The following GJB7 variants were observed in gnomAD, a reference collection of about 807,000 sequenced individuals.
GJB7 encodes the protein gap junction beta-7 protein.
For synonymous variants in GJB7, 87 were observed against 95.2 expected, an observed-to-expected ratio of 0.91 and a Z score of 0.50; for missense variants, 253 against 256.8, an observed-to-expected ratio of 0.99 and a Z score of 0.10.
intron 2 of GJB7, among the ~76,000 whole-genome samples, chr6:87,288,593 T>A (rs1156604466): frequency 6.6e-6 from 1 of 152,186 alleles, no homozygotes; most frequent in Non-Finnish European, 1.5e-5. Context: ...AAAAGTGAAA[T>A]CTTGCCAGTA....
intron 2 of GJB7, among the ~76,000 whole-genome samples, chr6:87,308,915 TA>T (rs1261615730): frequency 3.9e-5 from 6 of 152,234 alleles, no homozygotes; most frequent in African/African-American, 1.4e-4. Flanking sequence ...AATTGCAATC[TA>T]AATTTACCCA....
At chr6:87,306,549 A>G (rs1355396397) in intron 2 of GJB7, among the ~76,000 whole-genome samples, 1 of 152,106 alleles carries the variant, frequency 6.6e-6, no homozygotes, top group Non-Finnish European at 1.5e-5. Flanking sequence ...GGCTGTGGAG[A>G]AATAGGAACA....
chr6:87,320,003 C>G (rs1211794462), intron 2 of GJB7, among the ~76,000 whole-genome samples: 3 of 151,800 alleles, frequency 2.0e-5, no homozygotes, highest in Admixed American at 6.6e-5. Context: ...TGATGGTTAC[C>G]AGAGGCTGGG....
At chr6:87,308,513 T>C (rs1582564233) in intron 2 of GJB7, among the ~76,000 whole-genome samples, 2 of 152,200 alleles carry the variant, frequency 1.3e-5, no homozygotes, top group East Asian at 1.9e-4. Flanking sequence ...ACTTGAAGCA[T>C]TGAGAGAAAA....
intron 2 of GJB7, among the ~76,000 whole-genome samples, chr6:87,304,257 T>G (rs1776384267): frequency 6.6e-6 from 1 of 151,922 alleles, no homozygotes; most frequent in Non-Finnish European, 1.5e-5. Context: ...TTTGAAAAGA[T>G]CAACAAAATT....
intron 2 of GJB7, among the ~76,000 whole-genome samples, chr6:87,321,690 A>G (rs1776665657): frequency 6.6e-6 from 1 of 152,156 alleles, no homozygotes; most frequent in African/African-American, 2.4e-5. Flanking sequence ...ACACTGCTAG[A>G]AAGAACCACC....
intron 2 of GJB7, among the ~76,000 whole-genome samples, chr6:87,293,505 A>G (rs1365108701): frequency 6.6e-6 from 1 of 151,996 alleles, no homozygotes; most frequent in Non-Finnish European, 1.5e-5. Flanking sequence ...ATATCGATCC[A>G]GTTCCCAGTT....
chr6:87,317,924 C>T (rs538452040), intron 2 of GJB7, among the ~76,000 whole-genome samples: 2 of 152,098 alleles, frequency 1.3e-5, no homozygotes, highest in South Asian at 2.1e-4. Flanking sequence ...GTTTTCATCT[C>T]ATATCACTTT....
At chr6:87,289,504 T>C (rs1776127156) in intron 2 of GJB7, among the ~76,000 whole-genome samples, 2 of 152,192 alleles carry the variant, frequency 1.3e-5, no homozygotes, top group African/African-American at 4.8e-5. Flanking sequence ...CATGCTGAAA[T>C]TGTTTATGCT....
Position 87,283,851 on chromosome 6 carries a change from TCCC to T in GJB7, c.*387_*389del, listed in dbSNP as rs1776012715. 2 of 149,020 alleles carry T rather than the reference TCCC, an allele frequency of 1.3e-5. No homozygotes were observed. Among genetic ancestry groups the T allele is most frequent in the African/African-American group, 2.5e-5 (1 of 39,800 alleles). 9.2% of individuals were successfully genotyped at this position (149,020 alleles called of 1,614,324 possible). A position where few individuals can be genotyped will look rare whatever the true frequency, so the allele number is the denominator to read the frequency against. ...CACAGGGTTTCTTTTTTTTTTTTTTTCCCTGAAAAATCTAAGCTCTTAAAAGAA... is the reference window on the plus strand; with the variant it reads ...CACAGGGTTTCTTTTTTTTTTTTTTTTGAAAAATCTAAGCTCTTAAAAGAA... On this transcript the variant is annotated 3_prime_UTR_variant, in exon 3 of 3. Transcript: ENST00000525899.
chr6:87,284,642 C>T lies in GJB7; in HGVS notation c.271G>A (p.Val91Met). 1 of 1,614,128 alleles carries T rather than the reference C, an allele frequency of 6.2e-7. No homozygotes were observed. Among genetic ancestry groups the T allele is most frequent in the Non-Finnish European group, 8.5e-7 (1 of 1,180,040 alleles). Residue 91 changes from valine to methionine, a missense_variant, in exon 3 of 3, where the codon GTG becomes ATG. Transcript: ENST00000525899. ...TCATGATAGGCTACATGTAAAACCACCAGAAGTGAAGGTGTGGAGACCATT... is the reference window on the plus strand; with the variant it reads ...TCATGATAGGCTACATGTAAAACCATCAGAAGTGAAGGTGTGGAGACCATT... ...LIMVSTPSLLVVLHVAYHEGR... is the reference protein window; with the variant it reads ...LIMVSTPSLLMVLHVAYHEGR...
intron 2 of GJB7, among the ~76,000 whole-genome samples, chr6:87,321,892 A>C (rs1273821510): frequency 1.3e-5 from 2 of 152,112 alleles, no homozygotes; most frequent in Non-Finnish European, 2.9e-5. Flanking sequence ...ACACTCTTAT[A>C]AACAAACATC....
intron 2 of GJB7, among the ~76,000 whole-genome samples, chr6:87,318,147 A>G (rs1390359096): frequency 6.7e-6 from 1 of 148,238 alleles, no homozygotes; most frequent in African/African-American, 2.5e-5. Flanking sequence ...TAATTTATAT[A>G]TCACACCATT....
intron 2 of GJB7, among the ~76,000 whole-genome samples, chr6:87,307,365 A>C (rs1776448585): frequency 6.6e-6 from 1 of 152,148 alleles, no homozygotes; most frequent in Admixed American, 6.5e-5. Context: ...AAAAGCCAAA[A>C]TTGACAAATG....
chr6:87,284,545 G>A lies in GJB7; in HGVS notation c.368C>T (p.Ala123Val), dbSNP rs895282208. ...TTTAACAATGAGGCTGATAAGATAA[G>A]CGTACCATAGGCCCCCATCCATTGT... The part of the protein sequence containing the change: ...PGTMDGGLWY[A>V]YLISLIVKTG... Residue 123 changes from alanine to valine, a missense_variant, in exon 3 of 3, where the codon GCT becomes GTT. By Grantham distance (64) the Ala-to-Val change is moderately conservative. Coordinates refer to ENST00000525899, the MANE Select transcript of GJB7 (RefSeq NM_198568.3). 1.2e-6 allele frequency: 2 copies of A among 1,613,990 alleles called. No individual in the cohort carries two copies. Among genetic ancestry groups the A allele is most frequent in the African/African-American group, 2.7e-5 (2 of 74,888 alleles).
At chr6:87,322,504 C>G (rs1776685519) in intron 2 of GJB7, 1 of 152,410 alleles carries the variant, frequency 6.6e-6, no homozygotes, top group African/African-American at 2.4e-5. Context: ...CGCCGCTGCG[C>G]CGCAGCCTCC....
intron 1 of GJB7, among the ~76,000 whole-genome samples, chr6:87,325,734 G>T (rs1331180083): frequency 6.6e-6 from 1 of 151,814 alleles, no homozygotes; most frequent in Non-Finnish European, 1.5e-5. Context: ...TCTCTTTTTT[G>T]GTTGTGTCTC....
intron 2 of GJB7, among the ~76,000 whole-genome samples, chr6:87,306,976 G>A (rs1274377104): frequency 6.6e-6 from 1 of 151,926 alleles, no homozygotes; most frequent in Non-Finnish European, 1.5e-5. Context: ...TTGAACAATG[G>A]GAACACATGG....
At position 87,284,516 on chromosome 6, in the gene GJB7, C is replaced by A. The variant is rs1409099682; in HGVS notation, c.397G>T (p.Gly133Cys). 1 of 1,614,078 alleles carries A rather than the reference C, an allele frequency of 6.2e-7. No individual in the cohort carries two copies. Among genetic ancestry groups the A allele is most frequent in the Admixed American group, 1.7e-5 (1 of 60,018 alleles). ...AYLISLIVKT[G>C]FEIGFLVLFY... ...AAAACAAGGAAGCCAATTTCAAAAC[C>A]AGTTTTAACAATGAGGCTGATAAGA... The change falls in exon 3 of 3, where the codon GGT becomes TGT. Residue 133 changes from glycine to cysteine, a missense_variant. Transcript: ENST00000525899.
Sources: allele counts gnomAD v4.1 joint callset (sites outside exome capture counted in the v4.1 genomes callset), GRCh38; gene constraint gnomAD v4.1.1; transcripts MANE v1.5; gene names NCBI Gene and HGNC (gene_info 2026-07-23, HGNC 2026-07-21).